Variants in NEGR1 observed in about 807,000 individuals in gnomAD.
The protein encoded by NEGR1 is IgLON family member 4.
A neutral mutation model predicts 40.9 loss-of-function variants in NEGR1; 10 were observed. The ratio of observed to expected loss-of-function variants is 0.24; its 90% CI spans 0.15 to 0.42. The LOEUF (loss-of-function observed/expected upper bound fraction) is 0.42. Ranked by LOEUF, NEGR1 falls within the 10% of genes least tolerant of loss-of-function variation. NEGR1 has a pLI of 1.00. For synonymous variants in NEGR1, 185 were observed against 166.8 expected, an observed-to-expected ratio of 1.11 and a Z score of -0.84; for missense variants, 352 against 438.9, an observed-to-expected ratio of 0.80 and a Z score of 1.77.
At chr1:71,931,981 T>G (rs1364377809) in intron 2 of NEGR1, among the ~76,000 whole-genome samples, 1 of 152,140 alleles carries the variant, frequency 6.6e-6, no homozygotes, top group Admixed American at 6.6e-5. Context: ...ATGTTATATA[T>G]AGGTAATGAA....
chr1:71,956,191 C>A (rs1646118114), intron 1 of NEGR1, among the ~76,000 whole-genome samples: 1 of 152,102 alleles, frequency 6.6e-6, no homozygotes, highest in African/African-American at 2.4e-5. Context: ...TTACAGACAC[C>A]TTGAGTATGA....
At position 71,603,844 on chromosome 1, in the gene NEGR1, C is replaced by T. The variant is rs71651482; in HGVS notation, c.788+7182G>A. ...GAAATGCATAACCATAAGTAAAAAT[C>T]AGTATGGAAATATTGTTAGTTTTTG... On this transcript the variant is annotated intron_variant, in intron 5 of 6. Transcript: ENST00000357731. Among the ~76,000 whole-genome samples, 46 of 152,220 alleles carry T rather than the reference C, an allele frequency of 3.0e-4. 1 individual carries two copies. The highest frequency in any genetic ancestry group is 5.6e-4 in the Non-Finnish European group (38 of 67,968).
chr1:72,158,498 A>G (rs1324339484), intron 1 of NEGR1, among the ~76,000 whole-genome samples: 1 of 151,820 alleles, frequency 6.6e-6, no homozygotes, highest in African/African-American at 2.4e-5. Flanking sequence ...GGCCCAACCA[A>G]CTCCACTCAA....
chr1:71,535,057 G>A lies in NEGR1; in HGVS notation c.940+57760C>T, dbSNP rs371710001. Among the ~76,000 whole-genome samples the A allele has an allele frequency of 4.0e-5, 6 of 151,640 alleles. No individual in the cohort carries two copies. In the East Asian group the frequency reaches 9.8e-4, roughly 25 times the overall value. On this transcript the variant is annotated intron_variant, in intron 6 of 6. Transcript: ENST00000357731. The stretch of plus-strand genomic sequence containing the variant: ...AAAATTTATGTTAAATTAGTTTAAT[G>A]CTATATAATACATCGTAATTTATAG...
intron 1 of NEGR1, among the ~76,000 whole-genome samples, chr1:71,967,855 CAG>C (rs1475471331): frequency 1.3e-5 from 2 of 152,138 alleles, no homozygotes; most frequent in Non-Finnish European, 2.9e-5. Flanking sequence ...AGTGGTTGCA[CAG>C]ACTTATGAGC....
chr1:72,039,662 G>A (rs1486110), intron 1 of NEGR1, among the ~76,000 whole-genome samples: 14,450 of 151,860 alleles, frequency 0.095, 774 homozygotes, highest in Middle Eastern at 0.17. Context: ...TGAACATAAA[G>A]GATAAAAGAG....
intron 6 of NEGR1, among the ~76,000 whole-genome samples, chr1:71,444,876 A>C (rs1569879633): frequency 6.6e-6 from 1 of 152,174 alleles, no homozygotes; most frequent in Admixed American, 6.5e-5. Context: ...TAACACAATA[A>C]TATTCTTGAA....
At chr1:71,624,428 C>A (rs1650703082) in intron 4 of NEGR1, among the ~76,000 whole-genome samples, 1 of 151,980 alleles carries the variant, frequency 6.6e-6, no homozygotes, top group African/African-American at 2.4e-5. Context: ...ACAAATCCTA[C>A]ATCCTTGCTA....
At chr1:71,835,007 T>G (rs182320848) in intron 2 of NEGR1, among the ~76,000 whole-genome samples, 312 of 151,992 alleles carry the variant, frequency 2.1e-3, no homozygotes, top group Non-Finnish European at 3.6e-3. Flanking sequence ...TCTGCCAATC[T>G]GGACCAGGCT....
intron 1 of NEGR1, among the ~76,000 whole-genome samples, chr1:71,996,578 C>A (rs1646506228): frequency 6.6e-6 from 1 of 152,154 alleles, no homozygotes; most frequent in Non-Finnish European, 1.5e-5. Context: ...TGATTTTTTA[C>A]TCAACTATCC....
At position 71,638,597 on chromosome 1, in the gene NEGR1, T is replaced by C. The variant is rs545372140; in HGVS notation, c.668-27451A>G. Among the ~76,000 whole-genome samples the C allele has an allele frequency of 2.0e-5, 3 of 152,230 alleles. No individual in the cohort carries two copies. The South Asian group carries it at 6.2e-4, about 32-fold the overall frequency. On this transcript the variant is annotated intron_variant, in intron 4 of 6. Coordinates refer to ENST00000357731, the MANE Select transcript of NEGR1 (RefSeq NM_173808.3). ...GGAACTATTCTAAGCACATTTCATG[T>C]GCCAATGCATTTAACCTTCACAACA...
intron 2 of NEGR1, among the ~76,000 whole-genome samples, chr1:71,805,938 G>T (rs1356150120): frequency 6.6e-6 from 1 of 152,138 alleles, no homozygotes; most frequent in Non-Finnish European, 1.5e-5. Flanking sequence ...TCAATATGAA[G>T]TAAGGATTTC....
intron 6 of NEGR1, among the ~76,000 whole-genome samples, chr1:71,445,309 TAA>T (rs749842511): frequency 6.7e-6 from 1 of 150,170 alleles, no homozygotes; most frequent in African/African-American, 2.5e-5. Context: ...CTTTTTTTTT[TAA>T]AAAAAAAATA....
At chr1:72,056,633 T>A (rs1231575968) in intron 1 of NEGR1, among the ~76,000 whole-genome samples, 1 of 151,502 alleles carries the variant, frequency 6.6e-6, no homozygotes. Context: ...GAAACAAATG[T>A]CTCCTTATGC....
chr1:72,253,496 T>A (rs1013994101), intron 1 of NEGR1, among the ~76,000 whole-genome samples: 5 of 152,174 alleles, frequency 3.3e-5, no homozygotes, highest in Admixed American at 3.3e-4. Context: ...TTCTGCTATA[T>A]CTTGGAACAT....
At chr1:72,215,251 C>G (rs1191515607) in intron 1 of NEGR1, among the ~76,000 whole-genome samples, 1 of 152,064 alleles carries the variant, frequency 6.6e-6, no homozygotes, top group East Asian at 1.9e-4. Flanking sequence ...AAACCCCAAA[C>G]CATAAAAATC....
chr1:71,433,956 G>T (rs542282262), intron 6 of NEGR1, among the ~76,000 whole-genome samples: 1 of 152,178 alleles, frequency 6.6e-6, no homozygotes. Context: ...TTGAAGTCAC[G>T]TTGAGGTTGT....
At chr1:71,421,881 G>T (rs1215101790) in intron 6 of NEGR1, among the ~76,000 whole-genome samples, 1 of 150,656 alleles carries the variant, frequency 6.6e-6, no homozygotes, top group Admixed American at 6.6e-5. Flanking sequence ...ACCAAAGAGA[G>T]AAAAGATGTT....
At chr1:71,462,061 A>C in intron 6 of NEGR1, among the ~76,000 whole-genome samples, 1 of 152,194 alleles carries the variant, frequency 6.6e-6, no homozygotes, top group East Asian at 1.9e-4. Context: ...TAATTTATTA[A>C]CCATTATTCT....
Sources: gnomAD v4.1 joint callset for allele counts (sites outside exome capture counted in the v4.1 genomes callset) on GRCh38, gnomAD v4.1.1 for gene constraint, MANE v1.5 for transcripts, NCBI Gene and HGNC (gene_info 2026-07-23, HGNC 2026-07-21) for gene names.